Variants in EIF4G3 observed in about 807,000 individuals in gnomAD.
EIF4G3 encodes the protein eIF-4-gamma 3.
EIF4G3 carries 34 observed loss-of-function variants against 186.4 expected under a neutral mutation model. That is an observed-to-expected ratio of 0.18 (90% CI 0.14 to 0.24). EIF4G3 has a LOEUF of 0.24. EIF4G3 is among the 10% of genes least tolerant of loss of function. EIF4G3 has a pLI of 1.00. For missense variants in EIF4G3, 1,536 were observed against 1,948.5 expected, an observed-to-expected ratio of 0.79 and a Z score of 3.99; for synonymous variants, 673 against 679.5, an observed-to-expected ratio of 0.99 and a Z score of 0.15.
chr1:21,140,459 A>G (rs1316205998), intron 2 of EIF4G3, among the ~76,000 whole-genome samples: 1 of 152,120 alleles, frequency 6.6e-6, no homozygotes, highest in Non-Finnish European at 1.5e-5. Context: ...GACTACAGGA[A>G]TGCACCACCA....
At chr1:21,091,405 C>A (rs2096194207) in intron 2 of EIF4G3, among the ~76,000 whole-genome samples, 1 of 152,116 alleles carries the variant, frequency 6.6e-6, no homozygotes, top group Non-Finnish European at 1.5e-5. Context: ...AGGCAATCCA[C>A]CCACCTCGGC....
rs543952359 is a variant in EIF4G3 at position 20,911,103 on chromosome 1, TACTATTGGAAC to T, written c.1664-6143_1664-6133del. ...TAGGATAGATTGCTCTTTATAAAAA[TACTATTGGAAC>T]ACATTCTTAAAACAGTTAATTTTAC... On this transcript the variant is annotated intron_variant, in intron 14 of 36. Transcript: ENST00000602326. Among the ~76,000 whole-genome samples the T allele has an allele frequency of 1.7e-3, 258 of 152,322 alleles. 2 individuals are homozygous for T. The highest frequency in any genetic ancestry group is 5.9e-3 in the African/African-American group (245 of 41,570).
intron 35 of EIF4G3, 140 bp downstream of exon 35, chr1:20,813,016 TCA>T: frequency 1.7e-6 from 1 of 590,810 alleles, no homozygotes; most frequent in South Asian, 2.2e-5. Context: ...CAACCAGGCA[TCA>T]CAGACAGAAA....
intron 6 of EIF4G3, among the ~76,000 whole-genome samples, chr1:21,000,020 TAAC>T (rs1161559241): frequency 6.6e-6 from 1 of 151,596 alleles, no homozygotes; most frequent in African/African-American, 2.4e-5. Context: ...TTTTGAAACT[TAAC>T]ACCACAAAAT....
intron 2 of EIF4G3, among the ~76,000 whole-genome samples, chr1:21,116,044 C>A (rs958112913): frequency 6.6e-6 from 1 of 152,034 alleles, no homozygotes; most frequent in African/African-American, 2.4e-5. Flanking sequence ...ATACCCAGGG[C>A]CTTGTATATT....
chr1:20,849,392 G>GTTTT, intron 29 of EIF4G3, 23 bp downstream of exon 29: 2 of 1,074,206 alleles, frequency 1.9e-6, no homozygotes, highest in Non-Finnish European at 2.6e-6. Flanking sequence ...CTGTGTGTGT[G>GTTTT]TTTTTTTTTT....
At chr1:21,067,210 G>A (rs2095277480) in intron 3 of EIF4G3, among the ~76,000 whole-genome samples, 2 of 136,984 alleles carry the variant, frequency 1.5e-5, no homozygotes, top group African/African-American at 5.5e-5. Context: ...TTGGCTAACT[G>A]CAACCTCTGC....
At chr1:20,859,398 C>G (rs998284419) in intron 24 of EIF4G3, among the ~76,000 whole-genome samples, 1 of 152,240 alleles carries the variant, frequency 6.6e-6, no homozygotes, top group Non-Finnish European at 1.5e-5. Flanking sequence ...GAATTCATCT[C>G]TCCTAACAAC....
rs965963565 is a variant in EIF4G3, at chr1:20,893,584, C to T, written c.2186G>A (p.Arg729Gln). ...AAAGGCTGGTGTAAAGTCTGGTCCT[C>T]GAGGCAAAATTCGAGGATCCAGAGT... is the stretch of plus-strand genomic sequence containing the variant. The part of the protein sequence containing the change: ...MRTLDPRILP[R>Q]GPDFTPAFAD... Residue 729 changes from arginine to glutamine, a missense_variant, in exon 18 of 37, where the codon CGA (arginine) becomes CAA (glutamine). Around this residue, in one of 11 missense-constraint regions of EIF4G3, gnomAD observed 139 missense variants for 192.8 expected, o/e 0.72. Transcript: ENST00000602326. 4.0e-5 allele frequency: 64 copies of T among 1,592,492 alleles called. No individual in the cohort carries two copies. The highest frequency in any genetic ancestry group is 5.3e-5 in the Non-Finnish European group (62 of 1,164,322).
chr1:21,135,561 G>C (rs564137707), intron 2 of EIF4G3, among the ~76,000 whole-genome samples: 1 of 152,120 alleles, frequency 6.6e-6, no homozygotes, highest in Non-Finnish European at 1.5e-5. Context: ...AGTCCACACA[G>C]AATATTTTCA....
At chr1:20,877,831 T>A (rs1296238340) in intron 20 of EIF4G3, among the ~76,000 whole-genome samples, 1 of 152,182 alleles carries the variant, frequency 6.6e-6, no homozygotes, top group African/African-American at 2.4e-5. Flanking sequence ...GTAGAAACTA[T>A]CTTCTCTTAT....
intron 3 of EIF4G3, among the ~76,000 whole-genome samples, chr1:21,069,210 C>T (rs1268259527): frequency 1.3e-5 from 2 of 152,214 alleles, no homozygotes; most frequent in African/African-American, 4.8e-5. Flanking sequence ...TGCCCACCTA[C>T]ATTTTATGGC....
At chr1:21,085,440 C>A (rs2095934530) in intron 3 of EIF4G3, among the ~76,000 whole-genome samples, 1 of 152,128 alleles carries the variant, frequency 6.6e-6, no homozygotes, top group Non-Finnish European at 1.5e-5. Context: ...GCTCTACTGT[C>A]CAGGCTGGAA....
At chr1:20,849,269 G>A (rs1162058256) in intron 29 of EIF4G3, 146 bp downstream of exon 29, 5 of 437,424 alleles carry the variant, frequency 1.1e-5, no homozygotes, top group Non-Finnish European at 4.0e-6. Flanking sequence ...ATGCATCAGC[G>A]TTAAGCAAAC....
chr1:20,901,259 C>T (rs2090183177), intron 15 of EIF4G3, among the ~76,000 whole-genome samples: 1 of 151,896 alleles, frequency 6.6e-6, no homozygotes. Context: ...TTGAAAAAAC[C>T]AGATCTACCA....
At chr1:20,988,726 T>C (rs773006500) in intron 7 of EIF4G3, among the ~76,000 whole-genome samples, 1 of 152,036 alleles carries the variant, frequency 6.6e-6, no homozygotes, top group Non-Finnish European at 1.5e-5. Flanking sequence ...GTTGCTTTCA[T>C]GCCTGCTAAC....
chr1:21,023,238 TCCCCTCCCCCTC>T (rs1373783319), intron 4 of EIF4G3, among the ~76,000 whole-genome samples: 8 of 22,790 alleles, frequency 3.5e-4, no homozygotes, highest in African/African-American at 5.2e-4. Flanking sequence ...TCCCTCCCCC[TCCCCTCCCCCTC>T]CCCCCCTCCC....
chr1:21,172,096 C>A lies in EIF4G3; in HGVS notation c.-272+4079G>T, dbSNP rs191042537. Among the ~76,000 whole-genome samples, 53 of 137,516 alleles carry A rather than the reference C, an allele frequency of 3.9e-4. No individual in the cohort carries two copies. In the East Asian group the frequency reaches 0.011, roughly 28 times the overall value. 90.2% of individuals were successfully genotyped at this position (137,516 alleles called of 152,430 possible). A position where few individuals can be genotyped will look rare whatever the true frequency, so the allele number is the denominator to read the frequency against. On this transcript the variant is annotated intron_variant, in intron 2 of 36. Transcript: ENST00000602326. ...ATTTTTAGCTTGTGTTTGACTGTCA[C>A]TTTCTCTGGTACCTCCTCTAGCAAA...
chr1:21,127,986 C>T (rs1198193692), intron 2 of EIF4G3, among the ~76,000 whole-genome samples: 12 of 151,802 alleles, frequency 7.9e-5, no homozygotes, highest in African/African-American at 2.2e-4. Context: ...AGGCAGATCA[C>T]GAGGTCAGGA....
Sources: gnomAD v4.1 joint callset for allele counts (sites outside exome capture counted in the v4.1 genomes callset) on GRCh38, gnomAD v4.1.1 for gene constraint, gnomAD v4.1.1 regional missense constraint, MANE v1.5 for transcripts, NCBI Gene and HGNC (gene_info 2026-07-23, HGNC 2026-07-21) for gene names.